Variants in PLA2G5 observed in about 807,000 individuals in gnomAD.
PLA2G5 encodes the protein phospholipase A2 group V.
Under a neutral mutation model 15.9 loss-of-function variants are expected in PLA2G5, and 12 were observed. The observed-to-expected ratio is 0.76, with a 90% CI of 0.48 to 1.23. The LOEUF (loss-of-function observed/expected upper bound fraction) is 1.23, where lower values mean the gene tolerates loss of function less well. Ranked by LOEUF, PLA2G5 falls within the 50% of genes most tolerant of loss-of-function variation. PLA2G5 has a pLI of 0.00. For missense variants in PLA2G5, 169 were observed against 177.1 expected (o/e 0.95, Z 0.26); for synonymous variants, 71 against 71.4 (o/e 0.99, Z 0.03).
At chr1:20,076,569 T>A (rs1201993013) in intron 1 of PLA2G5, among the ~76,000 whole-genome samples, 4 of 142,306 alleles carry the variant, frequency 2.8e-5, no homozygotes, top group Non-Finnish European at 6.2e-5. Context: ...TTGGATGAGG[T>A]ACCTAACATC....
chr1:20,085,135 G>A (rs1235023240), intron 2 of PLA2G5, among the ~76,000 whole-genome samples: 1 of 152,164 alleles, frequency 6.6e-6, no homozygotes, highest in Non-Finnish European at 1.5e-5. Flanking sequence ...TGGACATAGA[G>A]GTTATGTGGC....
intron 4 of PLA2G5, 88 bp downstream of exon 4, chr1:20,089,983 T>C (rs927751637): frequency 8.8e-6 from 8 of 905,310 alleles, no homozygotes; most frequent in East Asian, 2.7e-5. Context: ...CTGTATCTTG[T>C]TGGGGGAGGA....
chr1:20,086,155 T>G lies in PLA2G5; in HGVS notation c.113T>G (p.Leu38Arg). The G allele has an allele frequency of 6.2e-7, 1 of 1,614,082 alleles. No homozygotes were observed. The highest frequency in any genetic ancestry group is 8.5e-7 in the Non-Finnish European group (1 of 1,180,002). The change falls in exon 3 of 5, where the codon CTG (leucine) becomes CGG (arginine). Residue 38 changes from leucine to arginine, a missense_variant. Leu to Arg is a moderately radical substitution (Grantham distance 102). Coordinates refer to ENST00000375108, the MANE Select transcript of PLA2G5 (RefSeq NM_000929.3). ...MIEKVTGKNALTNYGFYGCYC... is the reference protein window; with the variant it reads ...MIEKVTGKNARTNYGFYGCYC... ...GAGAAGGTGACAGGGAAGAACGCCC[T>G]GACAAACTACGGCTTCTACGGCTGT...
At chr1:20,078,711 AG>A (rs1191919656) in intron 1 of PLA2G5, among the ~76,000 whole-genome samples, 1 of 152,140 alleles carries the variant, frequency 6.6e-6, no homozygotes, top group Non-Finnish European at 1.5e-5. Flanking sequence ...TAGGAAGAGA[AG>A]GGTTCATGGG....
In PLA2G5 at chr1:20,083,768, C is replaced by T. The variant is rs543624821; in HGVS notation, c.-10-1053C>T. The stretch of plus-strand genomic sequence containing the variant: ...GTGCAGTGAGGGGTGCAGAAGGACG[C>T]GGCTCGAATCCAGCCTCCACTGCTT... On this transcript the variant is annotated intron_variant, in intron 1 of 4. Transcript: ENST00000375108. Among the ~76,000 whole-genome samples, 7 of 151,810 alleles carry T rather than the reference C, an allele frequency of 4.6e-5. 1 individual carries two copies. Among genetic ancestry groups the T allele is most frequent in the African/African-American group, 9.7e-5 (4 of 41,150 alleles).
chr1:20,054,344 G>A (rs1009651367), intron 1 of PLA2G5, among the ~76,000 whole-genome samples: 1 of 152,172 alleles, frequency 6.6e-6, no homozygotes, highest in Non-Finnish European at 1.5e-5. Flanking sequence ...GGTCCCTCTA[G>A]GGTGTGTCTG....
chr1:20,038,777 CAAAAAAAG>C (rs2013422925), intron 1 of PLA2G5, among the ~76,000 whole-genome samples: 1 of 150,984 alleles, frequency 6.6e-6, no homozygotes, highest in African/African-American at 2.4e-5. Context: ...GACCCTGTCT[CAAAAAAAG>C]AAAAAAAGGA....
intron 1 of PLA2G5, among the ~76,000 whole-genome samples, chr1:20,071,702 C>T (rs2015386638): frequency 6.6e-6 from 1 of 152,152 alleles, no homozygotes; most frequent in South Asian, 2.1e-4. Context: ...TGTACTTGCT[C>T]TTCCCTCTGC....
intron 1 of PLA2G5, among the ~76,000 whole-genome samples, chr1:20,057,892 A>T (rs2014515625): frequency 2.0e-5 from 3 of 152,018 alleles, no homozygotes; most frequent in Admixed American, 2.0e-4. Flanking sequence ...CCCACGTGTT[A>T]TTTAGAAGTG....
At chr1:20,062,245 A>G (rs544225338) in intron 2 of PLA2G5, among the ~76,000 whole-genome samples, 20 of 152,360 alleles carry the variant, frequency 1.3e-4, no homozygotes, top group African/African-American at 3.6e-4. Flanking sequence ...GGCCTAATAC[A>G]GAGGCTGTCT....
At chr1:20,084,759 T>A in intron 1 of PLA2G5, 62 bp from the exon 2 acceptor site, 1 of 1,099,088 alleles carries the variant, frequency 9.1e-7, no homozygotes, top group South Asian at 1.2e-5. Flanking sequence ...CAGGGTGGGA[T>A]CTGAATGGGC....
At chr1:20,047,672 G>A (rs746505761) in intron 1 of PLA2G5, among the ~76,000 whole-genome samples, 8 of 151,874 alleles carry the variant, frequency 5.3e-5, no homozygotes, top group Non-Finnish European at 8.8e-5. Flanking sequence ...TGGTGAATTT[G>A]TGTTTATCTC....
intron 1 of PLA2G5, among the ~76,000 whole-genome samples, chr1:20,048,458 A>G (rs960565028): frequency 2.0e-5 from 3 of 152,196 alleles, no homozygotes; most frequent in Non-Finnish European, 4.4e-5. Flanking sequence ...TTTCTAATAA[A>G]TAAGACATTG....
chr1:20,071,335 G>A (rs1296879266), intron 1 of PLA2G5, among the ~76,000 whole-genome samples: 3 of 152,310 alleles, frequency 2.0e-5, no homozygotes, highest in South Asian at 4.1e-4. Flanking sequence ...AGAGTGCTAG[G>A]TGCTGCCAGG....
chr1:20,074,496 A>C (rs557199916), intron 1 of PLA2G5, among the ~76,000 whole-genome samples: 23 of 152,336 alleles, frequency 1.5e-4, no homozygotes, highest in Non-Finnish European at 2.9e-4. Flanking sequence ...ATAACTGACG[A>C]AGCTGACTTC....
At chr1:20,050,531 G>C (rs984815962) in intron 1 of PLA2G5, among the ~76,000 whole-genome samples, 1 of 152,172 alleles carries the variant, frequency 6.6e-6, no homozygotes, top group African/African-American at 2.4e-5. Context: ...AGATCTTCTT[G>C]AAGCATTAAC....
chr1:20,083,543 A>G (rs1370089391), intron 1 of PLA2G5, among the ~76,000 whole-genome samples: 1 of 151,678 alleles, frequency 6.6e-6, no homozygotes. Flanking sequence ...CCGGCAAGGA[A>G]CCTCTGAGAA....
intron 1 of PLA2G5, chr1:20,046,132 C>T (rs2013888772): frequency 6.6e-6 from 1 of 152,172 alleles, no homozygotes; most frequent in African/African-American, 2.4e-5. Context: ...AGCCTGAGAC[C>T]CATCCCTAGG....
At chr1:20,034,991 A>G (rs2013170038) in intron 1 of PLA2G5, among the ~76,000 whole-genome samples, 1 of 152,112 alleles carries the variant, frequency 6.6e-6, no homozygotes, top group Non-Finnish European at 1.5e-5. Flanking sequence ...CAGGGAGTCC[A>G]CTCAGGATCT....
Sources: allele counts gnomAD v4.1 joint callset (sites outside exome capture counted in the v4.1 genomes callset), GRCh38; gene constraint gnomAD v4.1.1; transcripts MANE v1.5; gene names NCBI Gene and HGNC (gene_info 2026-07-23, HGNC 2026-07-21).